The following HMCN1 variants were observed in gnomAD, a reference collection of about 807,000 sequenced individuals.
HMCN1 encodes hemicentin 1.
HMCN1 carries 321 observed loss-of-function variants against 625.9 expected under a neutral mutation model. The observed-to-expected ratio is 0.51, with a 90% confidence interval of 0.47 to 0.56. The LOEUF (loss-of-function observed/expected upper bound fraction) is 0.56. HMCN1 is among the 20% of genes least tolerant of loss of function. HMCN1 has a pLI of 0.00. For missense variants in HMCN1, 6,588 were observed against 6,887.3 expected, an observed-to-expected ratio of 0.96 and a Z score of 1.54; for synonymous variants, 2,425 against 2,417.6, an observed-to-expected ratio of 1.00 and a Z score of -0.09.
intron 1 of HMCN1, among the ~76,000 whole-genome samples, chr1:185,746,782 T>C (rs1654435524): frequency 6.6e-6 from 1 of 151,998 alleles, no homozygotes; most frequent in Non-Finnish European, 1.5e-5. Context: ...ATTTTTTGTA[T>C]TTTTAGTAGA....
chr1:185,801,676 A>C (rs564735292), intron 1 of HMCN1, among the ~76,000 whole-genome samples: 1 of 152,348 alleles, frequency 6.6e-6, no homozygotes, highest in South Asian at 2.1e-4. Context: ...GCAAGGAGGA[A>C]TAACAGTTCA....
rs1652749030 is a variant in HMCN1 at position 186,178,649 on chromosome 1, C to T, written c.16177C>T (p.His5393Tyr). ...TCAACAGCATTACAGACAGTACTCA[C>T]ATCTCTACAGCTCCTACTCAGAGTA... Reference protein sequence around the residue: ...QPQQHYRQYSHLYSSYSEYRN... With the variant: ...QPQQHYRQYSYLYSSYSEYRN... The change falls in exon 104 of 107, where the codon CAT becomes TAT. Residue 5393 changes from histidine (H) to tyrosine (Y), a missense_variant. By Grantham distance (83) the His-to-Tyr change is moderately conservative. This residue lies in a region of HMCN1 where 1,954 missense variants were observed against 2,013.1 expected (regional missense o/e 0.97). Coordinates refer to ENST00000271588, the MANE Select transcript of HMCN1 (RefSeq NM_031935.3). 6.2e-7 allele frequency: 1 copy of T among 1,613,856 alleles called. No individual in the cohort carries two copies. The highest frequency in any genetic ancestry group is 1.7e-5 in the Admixed American group (1 of 60,010).
At chr1:185,751,279 TTTAG>T (rs1429096076) in intron 1 of HMCN1, among the ~76,000 whole-genome samples, 1 of 152,160 alleles carries the variant, frequency 6.6e-6, no homozygotes, top group African/African-American at 2.4e-5. Context: ...TGATTAGTAG[TTTAG>T]TTAAGTATAA....
chr1:185,775,328 A>G (rs976503130), intron 1 of HMCN1, among the ~76,000 whole-genome samples: 10 of 152,192 alleles, frequency 6.6e-5, no homozygotes, highest in Non-Finnish European at 1.2e-4. Flanking sequence ...ACTTAAGCCC[A>G]GAAGTTCGAG....
chr1:185,795,392 T>TC (rs1335807429), intron 1 of HMCN1, among the ~76,000 whole-genome samples: 1 of 152,202 alleles, frequency 6.6e-6, no homozygotes, highest in African/African-American at 2.4e-5. Flanking sequence ...AACCTTTTTT[T>TC]CCCAAGAGCT....
At position 186,115,257 on chromosome 1, in the gene HMCN1, G is replaced by A; in HGVS notation, c.11405-1G>A. 1 of 1,613,944 alleles carries A rather than the reference G, an allele frequency of 6.2e-7. No individual in the cohort carries two copies. Among genetic ancestry groups the A allele is most frequent in the Non-Finnish European group, 8.5e-7 (1 of 1,179,946 alleles). On this transcript the variant is annotated splice_acceptor_variant, in intron 74 of 106. Transcript: ENST00000271588. LOFTEE classifies it high-confidence loss of function. Reference sequence around the variant, plus strand: ...CTTCTTATTTGGTGACATTGTCTTAGTTCCTCCATCTATTGCTCCGGGTCC... The same window carrying A: ...CTTCTTATTTGGTGACATTGTCTTAATTCCTCCATCTATTGCTCCGGGTCC...
chr1:185,924,850 G>C (rs1571566624), intron 8 of HMCN1, among the ~76,000 whole-genome samples, 197 bp from the exon 9 acceptor site: 2 of 151,930 alleles, frequency 1.3e-5, no homozygotes, highest in South Asian at 2.1e-4. Context: ...GGCTCATAAA[G>C]ATATCCAGAA....
intron 1 of HMCN1, among the ~76,000 whole-genome samples, chr1:185,836,649 T>C (rs915062864): frequency 3.3e-5 from 5 of 152,280 alleles, no homozygotes; most frequent in Admixed American, 3.3e-4. Flanking sequence ...TTTAGACCTT[T>C]ATTTTAGGTT....
intron 105 of HMCN1, among the ~76,000 whole-genome samples, chr1:186,187,336 T>C (rs900018554): frequency 2.0e-4 from 31 of 152,112 alleles, no homozygotes; most frequent in African/African-American, 7.0e-4. Flanking sequence ...CCTGCTTTGT[T>C]TGTCTCTCTC....
In HMCN1 at chr1:185,982,332, T is replaced by C; in HGVS notation, c.2733T>C (p.Cys911=). The stretch of plus-strand genomic sequence containing the variant: ...AAGGACAGCAGCTTACTTTGCCCTG[T>C]ACTCTGTTAGCTGGAAATCCCATTC... ...VIEGQQLTLP[C]TLLAGNPIPE... Residue 911 remains cysteine (C), a synonymous_variant, in exon 18 of 107, where the codon TGT becomes TGC. Coordinates refer to ENST00000271588, the MANE Select transcript of HMCN1 (RefSeq NM_031935.3). The C allele has an allele frequency of 6.2e-7, 1 of 1,613,560 alleles. No homozygotes were observed. Among genetic ancestry groups the C allele is most frequent in the East Asian group, 2.2e-5 (1 of 44,878 alleles).
intron 54 of HMCN1, 30 bp downstream of exon 54, chr1:186,076,652 C>T (rs1200802526): frequency 2.5e-6 from 4 of 1,592,080 alleles, no homozygotes; most frequent in Non-Finnish European, 3.4e-6. Context: ...GGGTGAAAAG[C>T]TGACTCTCTG....
intron 58 of HMCN1, 72 bp downstream of exon 58, chr1:186,086,479 T>A: frequency 6.8e-7 from 1 of 1,475,798 alleles, no homozygotes; most frequent in Non-Finnish European, 9.4e-7. Flanking sequence ...CATTTCAAAT[T>A]AGTGTATTTC....
intron 20 of HMCN1, among the ~76,000 whole-genome samples, chr1:185,988,231 C>T (rs778015937): frequency 6.6e-6 from 1 of 152,164 alleles, no homozygotes; most frequent in Non-Finnish European, 1.5e-5. Context: ...CTAATTTATT[C>T]CCCTCTATGT....
chr1:186,119,157 C>A, intron 77 of HMCN1, 34 bp from the exon 78 acceptor site: 1 of 1,449,446 alleles, frequency 6.9e-7, no homozygotes. Flanking sequence ...AACTGAGATG[C>A]AGTATATATT....
intron 17 of HMCN1, among the ~76,000 whole-genome samples, chr1:185,982,037 T>G (rs1196640652): frequency 6.6e-6 from 1 of 152,188 alleles, no homozygotes; most frequent in Non-Finnish European, 1.5e-5. Context: ...TTTTTTACCT[T>G]CTTTACTACT....
chr1:186,034,565 C>T (rs1655697146), intron 36 of HMCN1, among the ~76,000 whole-genome samples: 1 of 152,098 alleles, frequency 6.6e-6, no homozygotes, highest in Admixed American at 6.5e-5. Flanking sequence ...TGACAGTTCT[C>T]TCAGAATGGT....
chr1:186,107,513 T>C (rs546610428), intron 70 of HMCN1, among the ~76,000 whole-genome samples: 2 of 152,246 alleles, frequency 1.3e-5, no homozygotes, highest in Non-Finnish European at 2.9e-5. Context: ...TGCATGTTTA[T>C]ATAGTGTACC....
chr1:185,736,641 C>G (rs902339622), intron 1 of HMCN1, among the ~76,000 whole-genome samples: 2 of 152,146 alleles, frequency 1.3e-5, no homozygotes, highest in Non-Finnish European at 2.9e-5. Context: ...TACATGGATA[C>G]CGGACTATCC....
intron 11 of HMCN1, among the ~76,000 whole-genome samples, chr1:185,937,917 A>ATAG (rs1474916830): frequency 6.2e-4 from 91 of 146,544 alleles, no homozygotes; most frequent in Admixed American, 6.1e-3. Context: ...AATAATAATA[A>ATAG]TAATAGTAAT....
Sources: gnomAD v4.1 joint callset for allele counts (sites outside exome capture counted in the v4.1 genomes callset) on GRCh38, gnomAD v4.1.1 for gene constraint, gnomAD v4.1.1 regional missense constraint, MANE v1.5 for transcripts, NCBI Gene and HGNC (gene_info 2026-07-23, HGNC 2026-07-21) for gene names.